Variants in RGS9 observed in about 807,000 individuals in gnomAD.
RGS9 encodes regulator of G-protein signalling 9.
A neutral mutation model predicts 102.0 loss-of-function variants in RGS9; 78 were observed. The observed-to-expected ratio is 0.76, with a 90% confidence interval of 0.64 to 0.92. The LOEUF is 0.92. Among genes scored for constraint, RGS9 ranks in the 40% least tolerant of loss-of-function variants. The pLI is 0.00. For missense variants in RGS9, 833 were observed against 866.1 expected (o/e 0.96, Z 0.48); for synonymous variants, 353 against 318.6 (o/e 1.11, Z -1.15).
rs142022284 is a variant in RGS9 at position 65,174,294 on chromosome 17, C to T, written c.583-3438C>T. Among the ~76,000 whole-genome samples the T allele has an allele frequency of 7.9e-5, 12 of 152,272 alleles. No individual in the cohort carries two copies. In the East Asian group the frequency reaches 1.2e-3, roughly 15 times the overall value. ...GAGCAGATGACCACACCGAAGTCAC[C>T]GAGGCAGTGAGCGCCTGTGGAATAG... On this transcript the variant is annotated intron_variant, in intron 8 of 18. Coordinates refer to ENST00000262406, the MANE Select transcript of RGS9 (RefSeq NM_003835.4).
rs1321120571 is a variant in RGS9, at chr17:65,173,098, A to G, written c.583-4634A>G. Among the ~76,000 whole-genome samples, 2 of 151,146 alleles carry G rather than the reference A, an allele frequency of 1.3e-5. No individual in the cohort carries two copies. Among genetic ancestry groups the G allele is most frequent in the African/African-American group, 4.9e-5 (2 of 41,072 alleles). ...CCACCTCGCCTGGCTAATTTTTTGT[A>G]TCTTTAGTAGAGATGGGTTTTCACT... On this transcript the variant is annotated intron_variant, in intron 8 of 18. Transcript: ENST00000262406. This position sits in a 1 kb window ranked among gnomAD's most constrained non-coding sequence, Gnocchi z 4.8.
intron 17 of RGS9, among the ~76,000 whole-genome samples, chr17:65,223,013 CT>C (rs1414261600): frequency 6.6e-6 from 1 of 152,100 alleles, no homozygotes; most frequent in African/African-American, 2.4e-5. Context: ...CAGGGTGTCC[CT>C]GGAGGAATGG....
chr17:65,163,562 TC>T (rs1911067567), intron 7 of RGS9, among the ~76,000 whole-genome samples: 1 of 152,106 alleles, frequency 6.6e-6, no homozygotes, highest in Non-Finnish European at 1.5e-5. Context: ...GCAGGGGGAA[TC>T]AAAAGACACA....
intron 18 of RGS9, 71 bp from the exon 19 acceptor site, chr17:65,227,204 G>C: frequency 6.2e-7 from 1 of 1,602,800 alleles, no homozygotes; most frequent in Non-Finnish European, 8.5e-7. Context: ...AAGGATGTCA[G>C]GATGATTTGG....
chr17:65,212,012 T>A (rs1280031773), intron 17 of RGS9, among the ~76,000 whole-genome samples: 1 of 152,224 alleles, frequency 6.6e-6, no homozygotes, highest in Admixed American at 6.5e-5. Context: ...TAGGCTGAGA[T>A]GAGTGAGATG....
intron 9 of RGS9, among the ~76,000 whole-genome samples, chr17:65,179,224 T>G (rs1426945389): frequency 1.3e-5 from 2 of 152,062 alleles, no homozygotes; most frequent in African/African-American, 4.8e-5. Context: ...CCAGAAATGT[T>G]AGCAAGGCAG....
chr17:65,148,466 T>C (rs1477192598), intron 1 of RGS9, among the ~76,000 whole-genome samples: 1 of 152,212 alleles, frequency 6.6e-6, no homozygotes, highest in Non-Finnish European at 1.5e-5. Flanking sequence ...GTAGTTCTAT[T>C]TTTAATTTTT....
intron 9 of RGS9, among the ~76,000 whole-genome samples, chr17:65,186,162 T>TTTTA (rs60422854): frequency 0.2 from 28,069 of 137,878 alleles, 3,169 homozygotes; most frequent in East Asian, 0.23. Flanking sequence ...TTGGTTTACA[T>TTTTA]TTTATTTATT....
At chr17:65,152,767 G>T (rs1244405738) in intron 1 of RGS9, among the ~76,000 whole-genome samples, 1 of 152,218 alleles carries the variant, frequency 6.6e-6, no homozygotes, top group Non-Finnish European at 1.5e-5. Flanking sequence ...CTGGGTTTAA[G>T]CGATCCTCCC....
intron 13 of RGS9, among the ~76,000 whole-genome samples, chr17:65,200,000 G>T (rs1912763505): frequency 6.6e-6 from 1 of 151,920 alleles, no homozygotes; most frequent in South Asian, 2.1e-4. Flanking sequence ...AATATTTTTG[G>T]TGGGAAAACG....
Position 65,200,905 on chromosome 17 carries a change from A to G in RGS9, c.977-1088A>G, listed in dbSNP as rs368637589. Among the ~76,000 whole-genome samples the G allele has an allele frequency of 1.9e-4, 29 of 152,320 alleles. No homozygotes were observed. In the East Asian group the frequency reaches 3.1e-3, roughly 16 times the overall value. ...TATATATGTAGATACATATCCACTT[A>G]TGTGTCCATTGACTGTTTATGTTAT... On this transcript the variant is annotated intron_variant, in intron 13 of 18. Transcript: ENST00000262406.
chr17:65,208,656 A>T (rs1324942164), intron 16 of RGS9, among the ~76,000 whole-genome samples: 1 of 152,144 alleles, frequency 6.6e-6, no homozygotes, highest in African/African-American at 2.4e-5. Context: ...ATATAAATTG[A>T]ATGGCAGCTT....
intron 11 of RGS9, 26 bp downstream of exon 11, chr17:65,190,262 C>T (rs1912317455): frequency 6.3e-7 from 1 of 1,584,556 alleles, no homozygotes; most frequent in Admixed American, 1.7e-5. Flanking sequence ...GTTGATCTTG[C>T]TAAAGTCTGA....
At position 65,224,905 on chromosome 17, in the gene RGS9, G is replaced by T. The variant is rs60829660; in HGVS notation, c.1408-97G>T. 5.8e-5 allele frequency: 89 copies of T among 1,536,354 alleles called. 1 individual carries two copies. The East Asian group carries it at 1.8e-3, about 31-fold the overall frequency. On this transcript the variant is annotated intron_variant, in intron 17 of 18. Coordinates refer to ENST00000262406, the MANE Select transcript of RGS9 (RefSeq NM_003835.4). ...GCCATATCAGGCCCGCACTCTTGTC[G>T]CTGGAAGGGGACTAAGTTAGCAGAG...
At chr17:65,214,087 A>G (rs1913404473) in intron 17 of RGS9, among the ~76,000 whole-genome samples, 1 of 152,034 alleles carries the variant, frequency 6.6e-6, no homozygotes, top group Non-Finnish European at 1.5e-5. Flanking sequence ...TCAGCTTCCC[A>G]GGTAGCTGGG....
chr17:65,170,440 A>G (rs146759130), intron 8 of RGS9, among the ~76,000 whole-genome samples: 1 of 152,310 alleles, frequency 6.6e-6, no homozygotes, highest in East Asian at 1.9e-4. Flanking sequence ...GTGAAAGCTC[A>G]AGGATGCTGC....
chr17:65,214,111 G>A (rs552828907), intron 17 of RGS9, among the ~76,000 whole-genome samples: 59 of 152,230 alleles, frequency 3.9e-4, no homozygotes, highest in African/African-American at 1.2e-3. Context: ...ATAGGTGTGC[G>A]CCACCAGGCT....
At chr17:65,175,194 T>C (rs905824882) in intron 8 of RGS9, among the ~76,000 whole-genome samples, 1 of 151,972 alleles carries the variant, frequency 6.6e-6, no homozygotes, top group Non-Finnish European at 1.5e-5. Flanking sequence ...AGCATGCGTG[T>C]GTGAGTGTGC....
At chr17:65,174,539 A>T (rs1911547031) in intron 8 of RGS9, among the ~76,000 whole-genome samples, 1 of 151,670 alleles carries the variant, frequency 6.6e-6, no homozygotes, top group African/African-American at 2.4e-5. Context: ...GAGTGTGTAG[A>T]TGTGTACATG....
Sources: allele counts gnomAD v4.1 joint callset (sites outside exome capture counted in the v4.1 genomes callset), GRCh38; gene constraint gnomAD v4.1.1; non-coding constraint Gnocchi (gnomAD v3.1); transcripts MANE v1.5; gene names NCBI Gene and HGNC (gene_info 2026-07-23, HGNC 2026-07-21).